The following RUSF1 variants were observed in gnomAD, a reference collection of about 807,000 sequenced individuals.
The protein encoded by RUSF1 is RUS1 family protein C16orf58.
In RUSF1, 58 loss-of-function variants were observed where a neutral mutation model predicts 63.0. That is an observed-to-expected ratio of 0.92 (90% CI 0.75 to 1.15). RUSF1 has a LOEUF of 1.15. RUSF1 is among the 50% of genes most tolerant of loss of function. The probability of loss-of-function intolerance (pLI) is 0.00; values close to 1 mark genes in which losing one functional copy is unlikely to be tolerated. For missense variants in RUSF1, 652 were observed against 611.0 expected, an observed-to-expected ratio of 1.07 and a Z score of -0.71; for synonymous variants, 274 against 255.8, an observed-to-expected ratio of 1.07 and a Z score of -0.68.
At chr16:31,496,974 G>T in intron 5 of RUSF1, 24 bp from the exon 6 acceptor site, 1 of 1,564,882 alleles carries the variant, frequency 6.4e-7, no homozygotes. Context: ...GAAGAGAGAA[G>T]GTTGGCAGAG....
At chr16:31,496,797 C>A in intron 6 of RUSF1, 52 bp downstream of exon 6, 2 of 1,431,340 alleles carry the variant, frequency 1.4e-6, no homozygotes. Context: ...CAAGTGGCTT[C>A]TCTCCCCTTC....
intron 5 of RUSF1, among the ~76,000 whole-genome samples, chr16:31,497,269 C>T (rs1292545557): frequency 1.3e-5 from 2 of 151,948 alleles, no homozygotes; most frequent in Non-Finnish European, 1.5e-5. Context: ...CCATTACTGG[C>T]GGGAGGCTCA....
At chr16:31,499,854 C>G (rs1432353426) in intron 3 of RUSF1, among the ~76,000 whole-genome samples, 2 of 152,026 alleles carry the variant, frequency 1.3e-5, no homozygotes, top group Non-Finnish European at 2.9e-5. Flanking sequence ...TCTCTCCGTT[C>G]TTCTTCTTGC....
chr16:31,501,673 G>GT (rs1567398569), intron 2 of RUSF1, among the ~76,000 whole-genome samples: 1 of 151,948 alleles, frequency 6.6e-6, no homozygotes, highest in Admixed American at 6.5e-5. Context: ...GCTGGGCAGA[G>GT]TAAGAGAAGT....
At chr16:31,492,847 T>G in intron 10 of RUSF1, 131 bp downstream of exon 10, 1 of 826,944 alleles carries the variant, frequency 1.2e-6, no homozygotes, top group Non-Finnish European at 1.9e-6. Context: ...GCAGCTGTAA[T>G]TTGAACGGTC....
chr16:31,503,100 C>T (rs2082640765), intron 2 of RUSF1, among the ~76,000 whole-genome samples: 1 of 152,214 alleles, frequency 6.6e-6, no homozygotes, highest in Non-Finnish European at 1.5e-5. Context: ...CTACTGTCCA[C>T]TAGAATAGAA....
At chr16:31,507,243 AT>A (rs1174325729) in intron 2 of RUSF1, among the ~76,000 whole-genome samples, 6 of 151,836 alleles carry the variant, frequency 4.0e-5, no homozygotes, top group Admixed American at 3.9e-4. Flanking sequence ...ACCAAACTGT[AT>A]TTTTTTTCCT....
intron 12 of RUSF1, among the ~76,000 whole-genome samples, 157 bp from the exon 13 acceptor site, chr16:31,491,089 A>G: frequency 6.6e-6 from 1 of 152,140 alleles, no homozygotes. Context: ...GGCTGCAGCA[A>G]GAATTCGTTG....
rs1204296390 is a variant in RUSF1, at chr16:31,493,021, C to T, written c.1044G>A (p.Glu348=). The T allele has an allele frequency of 6.2e-7, 1 of 1,613,972 alleles. No individual in the cohort carries two copies. Residue 348 remains glutamate (E), a synonymous_variant, in exon 10 of 13, where the codon GAG becomes GAA. Coordinates refer to ENST00000327237, the MANE Select transcript of RUSF1 (RefSeq NM_022744.4). ...SSVFELQQLV[E]GHQESYLLCW... ...AGAGGAGGTAGGATTCTTGGTGCCC[C>T]TCAACCAGCTGCTGCAGCTCAAAGA...
Position 31,492,277 on chromosome 16 carries a change from T to C in RUSF1, c.1151A>G (p.His384Arg), listed in dbSNP as rs567097548. ...GPKTILRAATHGLMLGALQGD... is the reference protein window; with the variant it reads ...GPKTILRAATRGLMLGALQGD... ...CTGCAGGGCCCCAAGCATCAGCCCATGTGTGGCGGCCCTTAGGATGGTCTT... is the reference window on the plus strand; with the variant it reads ...CTGCAGGGCCCCAAGCATCAGCCCACGTGTGGCGGCCCTTAGGATGGTCTT... The change falls in exon 11 of 13, where the codon CAT (histidine) becomes CGT (arginine). Residue 384 changes from histidine (H) to arginine (R), a missense_variant. His to Arg is a conservative substitution (Grantham distance 29, BLOSUM62 0). Coordinates refer to ENST00000327237, the MANE Select transcript of RUSF1 (RefSeq NM_022744.4). The C allele has an allele frequency of 1.9e-6, 3 of 1,612,856 alleles. No homozygotes were observed. The highest frequency in any genetic ancestry group is 2.5e-6 in the Non-Finnish European group (3 of 1,179,452).
chr16:31,508,308 C>A lies in RUSF1; in HGVS notation c.66G>T (p.Arg22=), dbSNP rs765737364. Residue 22 remains arginine (R), a synonymous_variant, in exon 1 of 13, where the codon CGG becomes CGT. Transcript: ENST00000327237. ...CSEQFGSGEA[R]GCRAAADGSL... Reference sequence around the variant, plus strand: ...TCCCGTCCGCGGCGGCGCGGCAGCCCCGTGCCTCCCCGGAGCCGAACTGCT... The same window carrying A: ...TCCCGTCCGCGGCGGCGCGGCAGCCACGTGCCTCCCCGGAGCCGAACTGCT... The A allele has an allele frequency of 1.9e-6, 3 of 1,577,080 alleles. No individual in the cohort carries two copies. In the South Asian group the frequency reaches 3.5e-5, roughly 18 times the overall value.
intron 1 of RUSF1, 59 bp downstream of exon 1, chr16:31,508,015 C>T: frequency 1.9e-6 from 3 of 1,552,882 alleles, no homozygotes; most frequent in South Asian, 1.2e-5. Flanking sequence ...GTCACCCGTC[C>T]ATTATTGGGG....
chr16:31,501,325 G>A (rs960694732), intron 2 of RUSF1, among the ~76,000 whole-genome samples: 3 of 152,050 alleles, frequency 2.0e-5, no homozygotes, highest in African/African-American at 7.2e-5. Flanking sequence ...GGTGGCTCAG[G>A]CCTATAATCC....
Position 31,490,918 on chromosome 16 carries a change from C to A in RUSF1, c.1324G>T (p.Gly442Cys). 6.2e-7 allele frequency: 1 copy of A among 1,614,094 alleles called. No homozygotes were observed. Among genetic ancestry groups the A allele is most frequent in the Middle Eastern group, 1.7e-4 (1 of 6,060 alleles). Residue 442 changes from glycine to cysteine, a missense_variant, in exon 13 of 13, where the codon GGC (glycine) becomes TGC (cysteine). Gly to Cys is a radical substitution (Grantham distance 159). Coordinates refer to ENST00000327237, the MANE Select transcript of RUSF1 (RefSeq NM_022744.4). ...AGCTGGTGCTTCTCGGTCTTCCAGCCGGCATCCTGCAGTCCTGGGGAGAGA... is the reference window on the plus strand; with the variant it reads ...AGCTGGTGCTTCTCGGTCTTCCAGCAGGCATCCTGCAGTCCTGGGGAGAGA... ...PKFLKGLQDA[G>C]WKTEKHQLEV...
At chr16:31,500,091 C>G (rs1296343111) in intron 3 of RUSF1, among the ~76,000 whole-genome samples, 1 of 152,182 alleles carries the variant, frequency 6.6e-6, no homozygotes, top group Non-Finnish European at 1.5e-5. Context: ...TTTCGTCAGA[C>G]AGTGACTCCC....
rs762333489 is a variant in RUSF1 at position 31,500,722 on chromosome 16, C to A, written c.425G>T (p.Gly142Val). 1.1e-5 allele frequency: 17 copies of A among 1,611,584 alleles called. No homozygotes were observed. The highest frequency in any genetic ancestry group is 1.3e-5 in the Non-Finnish European group (15 of 1,178,374). ...TATWLVKDST[G>V]MLGRIVFAWW... ...GGCAAAGACGATGCGGCCCAGCATG[C>A]CAGTTGAATCTGGGGGAAAGAAGGC... Residue 142 changes from glycine to valine, a missense_variant, in exon 3 of 13, where the codon GGC becomes GTC. Gly to Val is a moderately radical substitution (Grantham distance 109, BLOSUM62 -3). Coordinates refer to ENST00000327237, the MANE Select transcript of RUSF1 (RefSeq NM_022744.4).
chr16:31,493,834 G>C (rs749796319), intron 7 of RUSF1, 32 bp downstream of exon 7: 1 of 1,614,148 alleles, frequency 6.2e-7, no homozygotes, highest in Non-Finnish European at 8.5e-7. Flanking sequence ...GGCCCAGCTG[G>C]GGTTCTCCTG....
Position 31,499,507 on chromosome 16 carries a change from A to C in RUSF1, c.480T>G (p.Asn160Lys), listed in dbSNP as rs762397516. The C allele has an allele frequency of 4.4e-5, 69 of 1,582,260 alleles. No individual in the cohort carries two copies. Among genetic ancestry groups the C allele is most frequent in the Non-Finnish European group, 5.8e-5 (68 of 1,163,618 alleles). Residue 160 changes from asparagine (N) to lysine (K), a missense_variant, in exon 4 of 13, where the codon AAT (asparagine) becomes AAG (lysine). Coordinates refer to ENST00000327237, the MANE Select transcript of RUSF1 (RefSeq NM_022744.4). ...CCCCTCCTCACCTCCACTGCTTGGCATTGCAGTCCAGTTTGCTCCTGTTGG... is the reference window on the plus strand; with the variant it reads ...CCCCTCCTCACCTCCACTGCTTGGCCTTGCAGTCCAGTTTGCTCCTGTTGG... ...AWWKGSKLDC[N>K]AKQWRLFADI...
At position 31,508,254 on chromosome 16, in the gene RUSF1, G is replaced by C. The variant is rs769629139; in HGVS notation, c.120C>G (p.Arg40=). 1.2e-5 allele frequency: 19 copies of C among 1,564,520 alleles called. No individual in the cohort carries two copies. Among genetic ancestry groups the C allele is most frequent in the Non-Finnish European group, 1.6e-5 (19 of 1,154,978 alleles). ...TGAAGGCCCTGGAGAGCCCCCACCA[G>C]CGCCAGCCCCCGACCTCCCACTGCA... The part of the protein sequence containing the change: ...GSLQWEVGGW[R]WWGLSRAFTV... The change falls in exon 1 of 13, where the codon CGC becomes CGG. Residue 40 remains arginine, a synonymous_variant. Coordinates refer to ENST00000327237, the MANE Select transcript of RUSF1 (RefSeq NM_022744.4).
Sources: allele counts gnomAD v4.1 joint callset (sites outside exome capture counted in the v4.1 genomes callset), GRCh38; gene constraint gnomAD v4.1.1; transcripts MANE v1.5; gene names NCBI Gene and HGNC (gene_info 2026-07-23, HGNC 2026-07-21).